Variants in PARP12 observed in about 807,000 individuals in gnomAD.
PARP12 encodes poly(ADP-ribose) polymerase family member 12, also known as protein mono-ADP-ribosyltransferase PARP12.
PARP12 carries 59 observed loss-of-function variants against 72.4 expected under a neutral mutation model. The observed-to-expected ratio is 0.81, with a 90% CI of 0.66 to 1.01. The LOEUF (loss-of-function observed/expected upper bound fraction) is 1.01, where lower values mean the gene tolerates loss of function less well. PARP12 is among the 50% of genes least tolerant of loss of function. PARP12 has a pLI of 0.00. For synonymous variants in PARP12, 403 were observed against 371.4 expected (o/e 1.09, Z -0.98); for missense variants, 851 against 914.0 (o/e 0.93, Z 0.89).
rs1333218523 is a variant in PARP12, at chr7:140,057,891, G to A, written c.462+8C>T. On this transcript the variant is annotated splice_region_variant and intron_variant, in intron 2 of 11. Coordinates refer to ENST00000263549, the MANE Select transcript of PARP12 (RefSeq NM_022750.4). Reference sequence around the variant, plus strand: ...AGCTGTGGAACCCAGACTTCCCCTGGCACTCACTTCTGGCAAAAGCCAGGG... The same window carrying A: ...AGCTGTGGAACCCAGACTTCCCCTGACACTCACTTCTGGCAAAAGCCAGGG... 3.1e-6 allele frequency: 5 copies of A among 1,613,908 alleles called. No individual in the cohort carries two copies. Among genetic ancestry groups the A allele is most frequent in the Admixed American group, 1.7e-5 (1 of 59,996 alleles).
chr7:140,028,744 T>C, intron 8 of PARP12, 56 bp from the exon 9 acceptor site: 29 of 1,449,014 alleles, frequency 2.0e-5, no homozygotes, highest in Non-Finnish European at 2.6e-5. Context: ...AAAGCAAATA[T>C]ACCATAGGTG....
intron 7 of PARP12, among the ~76,000 whole-genome samples, chr7:140,035,959 G>C (rs1412923180): frequency 3.7e-5 from 3 of 81,954 alleles, no homozygotes; most frequent in Admixed American, 1.3e-4. Flanking sequence ...AGGACGAGGA[G>C]GAGGAGGAGG....
intron 4 of PARP12, among the ~76,000 whole-genome samples, chr7:140,054,341 G>A (rs1345664306): frequency 6.6e-6 from 1 of 152,178 alleles, no homozygotes; most frequent in Admixed American, 6.5e-5. Flanking sequence ...GTTCCCACCA[G>A]GCTGAGCAGT....
chr7:140,041,908 G>C, intron 5 of PARP12, 69 bp from the exon 6 acceptor site: 1 of 1,334,954 alleles, frequency 7.5e-7, no homozygotes, highest in African/African-American at 1.5e-5. Flanking sequence ...CTCAGCTTGA[G>C]AACATATAGC....
At chr7:140,033,955 G>A in intron 8 of PARP12, 1 of 1,048,138 alleles carries the variant, frequency 9.5e-7, no homozygotes, top group South Asian at 4.0e-5. Context: ...CGGATGGGTT[G>A]GCTTCAAGTC....
At chr7:140,041,006 G>C (rs1816444265) in intron 6 of PARP12, among the ~76,000 whole-genome samples, 1 of 152,124 alleles carries the variant, frequency 6.6e-6, no homozygotes, top group Admixed American at 6.5e-5. Flanking sequence ...GACCTCAACT[G>C]ATCTGCCCAC....
chr7:140,050,998 T>C (rs925112201), intron 4 of PARP12, among the ~76,000 whole-genome samples: 38 of 152,200 alleles, frequency 2.5e-4, no homozygotes, highest in African/African-American at 9.2e-4. Context: ...TGATTCCATT[T>C]ATATGAAATA....
At chr7:140,048,019 G>C (rs1251241884) in intron 4 of PARP12, among the ~76,000 whole-genome samples, 1 of 152,132 alleles carries the variant, frequency 6.6e-6, no homozygotes, top group East Asian at 1.9e-4. Flanking sequence ...ATCACTGCAG[G>C]GGGCAGTCTG....
chr7:140,024,864 G>T lies in PARP12; in HGVS notation c.1802C>A (p.Ala601Asp), dbSNP rs1217797897. The change falls in exon 12 of 12, where the codon GCT (alanine) becomes GAT (aspartate). Residue 601 changes from alanine (A) to aspartate (D), a missense_variant. Around this residue, in one of 3 missense-constraint regions of PARP12, gnomAD observed 347 missense variants for 396.1 expected, o/e 0.88. Transcript: ENST00000263549. ...TTTGCTGTAGTGGTGGGAATATGCA[G>T]CATCTCGGGCAAAGTAGCTCCCTGA... ...YGKGSYFARD[A>D]AYSHHYSKSD... The T allele has an allele frequency of 1.9e-6, 3 of 1,613,194 alleles. No homozygotes were observed. The African/African-American group carries it at 4.0e-5, about 22-fold the overall frequency.
intron 6 of PARP12, among the ~76,000 whole-genome samples, chr7:140,038,784 C>T (rs1816327108): frequency 6.6e-6 from 1 of 152,314 alleles, no homozygotes; most frequent in East Asian, 1.9e-4. Flanking sequence ...GGGTCACAAG[C>T]TTTAGGTGTT....
At chr7:140,057,622 T>A (rs1217587896) in intron 2 of PARP12, 4 of 454,908 alleles carry the variant, frequency 8.8e-6, no homozygotes, top group Non-Finnish European at 1.6e-5. Context: ...CTTTCATTTC[T>A]CAATGGAGCA....
At chr7:140,028,791 G>A in intron 8 of PARP12, 103 bp from the exon 9 acceptor site, 7 of 930,166 alleles carry the variant, frequency 7.5e-6, no homozygotes, top group Non-Finnish European at 1.1e-5. Flanking sequence ...TTGAGTCTCA[G>A]CACATCATAT....
chr7:140,038,928 C>A (rs368913464), intron 6 of PARP12, among the ~76,000 whole-genome samples: 1 of 152,150 alleles, frequency 6.6e-6, no homozygotes, highest in African/African-American at 2.4e-5. Context: ...ACAGGTCTCA[C>A]GGGTGCTCTA....
intron 4 of PARP12, among the ~76,000 whole-genome samples, chr7:140,048,004 G>C (rs1332772691): frequency 6.6e-6 from 1 of 152,148 alleles, no homozygotes; most frequent in East Asian, 1.9e-4. Flanking sequence ...AAGGTCAAAG[G>C]TCTCATCACT....
chr7:140,056,831 C>T (rs373384916), intron 3 of PARP12, 25 bp downstream of exon 3: 158 of 1,571,332 alleles, frequency 1.0e-4, no homozygotes, highest in Non-Finnish European at 1.0e-4. Context: ...TCCCCACCAG[C>T]CTTACCACTC....
rs1356284803 is a variant in PARP12, at chr7:140,024,622, T to C, written c.2044A>G (p.Lys682Glu). The C allele has an allele frequency of 1.2e-6, 2 of 1,613,950 alleles. No individual in the cohort carries two copies. Among genetic ancestry groups the C allele is most frequent in the African/African-American group, 2.7e-5 (2 of 74,898 alleles). Reference sequence around the variant, plus strand: ...AGGATGGAGGGTGTGACCGAGGGCTTGGAGGAGGTGGTGTACTGGATGACA... The same window carrying C: ...AGGATGGAGGGTGTGACCGAGGGCTCGGAGGAGGTGGTGTACTGGATGACA... ...EYVIQYTTSSKPSVTPSILLA... is the reference protein window; with the variant it reads ...EYVIQYTTSSEPSVTPSILLA... Residue 682 changes from lysine to glutamate, a missense_variant, in exon 12 of 12, where the codon AAG (lysine) becomes GAG (glutamate). By Grantham distance (56) the Lys-to-Glu change is moderately conservative. Around this residue, in one of 3 missense-constraint regions of PARP12, gnomAD observed 347 missense variants for 396.1 expected, o/e 0.88. Coordinates refer to ENST00000263549, the MANE Select transcript of PARP12 (RefSeq NM_022750.4).
intron 1 of PARP12, among the ~76,000 whole-genome samples, chr7:140,059,368 AC>A (rs1817345464): frequency 7.9e-6 from 1 of 126,292 alleles, no homozygotes; most frequent in Non-Finnish European, 1.8e-5. Context: ...GTATACACAC[AC>A]ACACACACAC....
chr7:140,034,135 A>G (rs890292801), intron 8 of PARP12, 100 bp downstream of exon 8: 24 of 1,476,548 alleles, frequency 1.6e-5, no homozygotes, highest in South Asian at 1.4e-4. Context: ...GTACAAGCCA[A>G]CGGTGCCCGG....
At position 140,062,808 on chromosome 7, in the gene PARP12, G is replaced by C. The variant is rs1817529404; in HGVS notation, c.40C>G (p.Leu14Val). 2 of 1,415,766 alleles carry C rather than the reference G, an allele frequency of 1.4e-6. No homozygotes were observed. Among genetic ancestry groups the C allele is most frequent in the African/African-American group, 3.0e-5 (2 of 67,106 alleles). 87.7% of individuals were successfully genotyped at this position (1,415,766 alleles called of 1,614,324 possible). A position where few individuals can be genotyped will look rare whatever the true frequency, so the allele number is the denominator to read the frequency against. ...AGVVGEVTQV[L>V]CAAGGALELP... is the part of the protein sequence containing the mutation. Reference sequence around the variant, plus strand: ...TCCAGGGCGCCCCCGGCCGCGCACAGCACCTGGGTGACCTCACCGACGACG... The same window carrying C: ...TCCAGGGCGCCCCCGGCCGCGCACACCACCTGGGTGACCTCACCGACGACG... Residue 14 changes from leucine (L) to valine (V), a missense_variant, in exon 1 of 12, where the codon CTG becomes GTG. Physicochemically the swap from Leu to Val is conservative, Grantham distance 32. This residue lies in a region of PARP12 where 492 missense variants were observed against 489.3 expected (regional missense o/e 1.01). Transcript: ENST00000263549.
Sources: gnomAD v4.1 joint callset for allele counts (sites outside exome capture counted in the v4.1 genomes callset) on GRCh38, gnomAD v4.1.1 for gene constraint, gnomAD v4.1.1 regional missense constraint, MANE v1.5 for transcripts, NCBI Gene and HGNC (gene_info 2026-07-23, HGNC 2026-07-21) for gene names.